NR6A1: variants seen among roughly 807,000 people sequenced by gnomAD.
The protein encoded by NR6A1 is nuclear receptor subfamily 6 group A member 1, also known as retinoic acid receptor-related testis-associated receptor.
Under a neutral mutation model 59.1 loss-of-function variants are expected in NR6A1, and 7 were observed. The ratio of observed to expected loss-of-function variants is 0.12; its 90% confidence interval spans 0.07 to 0.22. NR6A1 has a LOEUF of 0.22. Among genes scored for constraint, NR6A1 ranks in the 10% least tolerant of loss-of-function variants. NR6A1 has a pLI of 1.00. For synonymous variants in NR6A1, 243 were observed against 236.1 expected (o/e 1.03, Z -0.27); for missense variants, 468 against 611.6 (o/e 0.77, Z 2.48).
Position 124,683,111 on chromosome 9 carries a change from AG to A in NR6A1, c.142+50196del, listed in dbSNP as rs1838221771. Among the ~76,000 whole-genome samples the A allele has an allele frequency of 2.6e-5, 4 of 152,246 alleles. No individual in the cohort carries two copies. The South Asian group carries it at 8.3e-4, about 32-fold the overall frequency. ...CAGTAACTTGGGAAGCTGAGGTGGG[AG>A]GATCACTTGAGCTCAGGAGGTTGAG... On this transcript the variant is annotated intron_variant, in intron 2 of 9. Coordinates refer to ENST00000487099, the MANE Select transcript of NR6A1 (RefSeq NM_033334.4).
At chr9:124,625,321 A>G (rs139893121) in intron 2 of NR6A1, among the ~76,000 whole-genome samples, 2,565 of 152,308 alleles carry the variant, frequency 0.017, 38 homozygotes, top group Middle Eastern at 0.027. Context: ...AATACTTTAG[A>G]AAGAGCAATA....
chr9:124,523,995 T>C (rs1016187084), intron 9 of NR6A1, among the ~76,000 whole-genome samples: 3 of 152,196 alleles, frequency 2.0e-5, no homozygotes, highest in Non-Finnish European at 4.4e-5. Flanking sequence ...TATATTGAAA[T>C]AGACCTATTT....
rs1413481685 is a variant in NR6A1, at chr9:124,524,793, A to G, written c.1282T>C (p.Tyr428His). ...CGGTTCGGCTGATGTGTGTATTTAT[A>G]TTCAGTAAAATCCTGGCAAATGTAC... is the stretch of plus-strand genomic sequence containing the variant. Reference protein sequence around the residue: ...YWYICQDFTEYKYTHQPNRFP... With the variant: ...YWYICQDFTEHKYTHQPNRFP... Residue 428 changes from tyrosine (Y) to histidine (H), a missense_variant, in exon 9 of 10, where the codon TAT (tyrosine) becomes CAT (histidine). Tyr to His is a moderately conservative substitution (Grantham distance 83, BLOSUM62 2). Coordinates refer to ENST00000487099, the MANE Select transcript of NR6A1 (RefSeq NM_033334.4). 7 of 1,614,060 alleles carry G rather than the reference A, an allele frequency of 4.3e-6. No homozygotes were observed. Among genetic ancestry groups the G allele is most frequent in the East Asian group, 2.2e-5 (1 of 44,886 alleles).
intron 2 of NR6A1, among the ~76,000 whole-genome samples, chr9:124,699,048 C>T (rs899180770): frequency 1.3e-5 from 2 of 152,156 alleles, no homozygotes; most frequent in Non-Finnish European, 2.9e-5. Flanking sequence ...CAGCTCTGCC[C>T]TGATTATGTA....
intron 1 of NR6A1, among the ~76,000 whole-genome samples, chr9:124,761,300 A>C (rs1056697703): frequency 1.3e-5 from 2 of 152,226 alleles, no homozygotes; most frequent in African/African-American, 4.8e-5. Flanking sequence ...TAGAGCTCTT[A>C]GGAAGGAAGC....
chr9:124,570,268 G>A (rs1470857479), intron 2 of NR6A1, among the ~76,000 whole-genome samples: 5 of 146,662 alleles, frequency 3.4e-5, no homozygotes, highest in African/African-American at 5.5e-5. Flanking sequence ...TGCTTTTCCC[G>A]TTTCAATTCT....
At chr9:124,651,970 G>A (rs992984798) in intron 2 of NR6A1, among the ~76,000 whole-genome samples, 1 of 152,000 alleles carries the variant, frequency 6.6e-6, no homozygotes, top group Non-Finnish European at 1.5e-5. Flanking sequence ...TAAGTCCAAA[G>A]GAGAAGAAAA....
intron 2 of NR6A1, among the ~76,000 whole-genome samples, chr9:124,595,325 C>G (rs1195677581): frequency 6.6e-6 from 1 of 152,108 alleles, no homozygotes; most frequent in Non-Finnish European, 1.5e-5. Context: ...CCTCATGACC[C>G]CAATTCTATC....
chr9:124,544,861 T>C (rs1371218829), intron 3 of NR6A1, among the ~76,000 whole-genome samples: 1 of 152,164 alleles, frequency 6.6e-6, no homozygotes, highest in East Asian at 1.9e-4. Context: ...GGGGGCACTG[T>C]GGTCATATTG....
chr9:124,520,673 G>A lies in NR6A1; in HGVS notation c.*2032C>T, dbSNP rs149461637. The A allele has an allele frequency of 5.3e-5, 8 of 152,352 alleles. No individual in the cohort carries two copies. Among genetic ancestry groups the A allele is most frequent in the East Asian group, 3.9e-4 (2 of 5,188 alleles). 9.4% of individuals were successfully genotyped at this position (152,352 alleles called of 1,614,324 possible). A position where few individuals can be genotyped will look rare whatever the true frequency, so the allele number is the denominator to read the frequency against. On this transcript the variant is annotated 3_prime_UTR_variant, in exon 10 of 10. Coordinates refer to ENST00000487099, the MANE Select transcript of NR6A1 (RefSeq NM_033334.4). ...CATCTGTGATATGTGTCTCCTTCCC[G>A]ATCTGGAGGAAAGCAGCTCAGAGTC...
chr9:124,524,922 C>A, intron 8 of NR6A1, 49 bp from the exon 9 acceptor site: 1 of 1,543,958 alleles, frequency 6.5e-7, no homozygotes. Context: ...ATGGGATGGG[C>A]ATTCTAATGT....
At chr9:124,729,633 G>T (rs1756306315) in intron 2 of NR6A1, among the ~76,000 whole-genome samples, 1 of 152,078 alleles carries the variant, frequency 6.6e-6, no homozygotes, top group Non-Finnish European at 1.5e-5. Flanking sequence ...TAACATAGGA[G>T]ATGTTATTCT....
At chr9:124,763,338 A>C in intron 1 of NR6A1, among the ~76,000 whole-genome samples, 1 of 152,268 alleles carries the variant, frequency 6.6e-6, no homozygotes, top group East Asian at 1.9e-4. Context: ...GTAAGGGACC[A>C]ACAGTTTTTA....
chr9:124,599,481 G>T, intron 2 of NR6A1: 1 of 478,442 alleles, frequency 2.1e-6, no homozygotes. Flanking sequence ...TCTTGCTCAG[G>T]AAGAGAAACT....
chr9:124,626,588 C>T (rs115255181), intron 2 of NR6A1, among the ~76,000 whole-genome samples: 5,093 of 152,226 alleles, frequency 0.033, 258 homozygotes, highest in African/African-American at 0.12. Context: ...TATATATTTC[C>T]AAAAGTCACT....
At chr9:124,599,651 CG>C in intron 2 of NR6A1, 1 of 1,143,744 alleles carries the variant, frequency 8.7e-7, no homozygotes, top group South Asian at 1.5e-5. Flanking sequence ...GGCGACTACT[CG>C]TAGCTCCTTC....
intron 2 of NR6A1, among the ~76,000 whole-genome samples, chr9:124,619,180 T>A (rs752191221): frequency 6.6e-6 from 1 of 152,150 alleles, no homozygotes. Context: ...ATGAGACAGA[T>A]CCATGAATCA....
chr9:124,599,622 G>A, intron 2 of NR6A1: 1 of 1,171,840 alleles, frequency 8.5e-7, no homozygotes. Flanking sequence ...GTCGGTCGTC[G>A]CCGGCTCCGC....
At chr9:124,647,510 G>A (rs1038773283) in intron 2 of NR6A1, among the ~76,000 whole-genome samples, 3 of 151,844 alleles carry the variant, frequency 2.0e-5, no homozygotes, top group Admixed American at 6.6e-5. Context: ...GGTGCATCAC[G>A]TGAGGTCAGG....
Sources: allele counts gnomAD v4.1 joint callset (sites outside exome capture counted in the v4.1 genomes callset), GRCh38; gene constraint gnomAD v4.1.1; transcripts MANE v1.5; gene names NCBI Gene and HGNC (gene_info 2026-07-23, HGNC 2026-07-21).